Variants in HS3ST3B1 observed in about 807,000 individuals in gnomAD.
The protein encoded by HS3ST3B1 is heparan sulfate glucosamine 3-O-sulfotransferase 3B1.
In HS3ST3B1, 13 loss-of-function variants were observed where a neutral mutation model predicts 21.3. The ratio of observed to expected loss-of-function variants is 0.61; its 90% CI spans 0.40 to 0.97. The LOEUF (loss-of-function observed/expected upper bound fraction) is 0.97, where lower values mean the gene tolerates loss of function less well. Among genes scored for constraint, HS3ST3B1 ranks in the 50% least tolerant of loss-of-function variants. The probability of loss-of-function intolerance (pLI) is 0.00; values close to 1 mark genes in which losing one functional copy is unlikely to be tolerated. For synonymous variants in HS3ST3B1, 234 were observed against 254.8 expected (o/e 0.92, Z 0.78); for missense variants, 459 against 554.8 (o/e 0.83, Z 1.73).
chr17:14,301,571 T>A lies in HS3ST3B1; in HGVS notation c.53T>A (p.Leu18His), dbSNP rs200257944. ...GRSCLDVPGR[L>H]LPQPPPPPPP... The stretch of plus-strand genomic sequence containing the variant: ...TCTTGCCTCGATGTCCCCGGCCGGC[T>A]CCTACCGCAGCCGCCGCCGCCCCCG... The change falls in exon 1 of 2, where the codon CTC becomes CAC. Residue 18 changes from leucine to histidine, a missense_variant. By Grantham distance (99) the Leu-to-His change is moderately conservative. This residue lies in a region of HS3ST3B1 where 317 missense variants were observed against 278.6 expected (regional missense o/e 1.14). Transcript: ENST00000360954. 2.1e-3 allele frequency: 3,384 copies of A among 1,595,528 alleles called. 45 individuals carry two copies. The Admixed American group carries it at 0.028, about 13-fold the overall frequency.
At chr17:14,318,966 G>T (rs2142333933) in intron 1 of HS3ST3B1, among the ~76,000 whole-genome samples, 1 of 152,306 alleles carries the variant, frequency 6.6e-6, no homozygotes, top group African/African-American at 2.4e-5. Context: ...TACCCAGATG[G>T]TGTCTTTTGG....
In HS3ST3B1 at chr17:14,303,696, C is replaced by T. The variant is rs1221023245; in HGVS notation, c.554+1624C>T. 6.6e-6 allele frequency among the ~76,000 whole-genome samples: 1 copy of T among 152,164 alleles called. No individual in the cohort carries two copies. The highest frequency in any genetic ancestry group is 6.5e-5 in the Admixed American group (1 of 15,276). On this transcript the variant is annotated intron_variant, in intron 1 of 1. Transcript: ENST00000360954. This position sits in a 1 kb window ranked among gnomAD's most constrained non-coding sequence, Gnocchi z 5.7. ...GTGCCTCGCAGGCACGTGAGGGCCT[C>T]TCTAATCGTTAGCTATTGTCACCGA...
At chr17:14,338,696 G>A (rs1226092805) in intron 1 of HS3ST3B1, among the ~76,000 whole-genome samples, 1 of 148,808 alleles carries the variant, frequency 6.7e-6, no homozygotes, top group East Asian at 1.9e-4. Flanking sequence ...AGCTGCCTTA[G>A]CCTCCCATAA....
At chr17:14,314,725 G>T (rs1169588395) in intron 1 of HS3ST3B1, among the ~76,000 whole-genome samples, 1 of 152,172 alleles carries the variant, frequency 6.6e-6, no homozygotes, top group Non-Finnish European at 1.5e-5. Context: ...GCTTGTGAAT[G>T]GGGGAATCGT....
Position 14,330,550 on chromosome 17 carries a change from GGT to G in HS3ST3B1, c.555-14445_555-14444del, listed in dbSNP as rs60767866. 4.8e-3 allele frequency among the ~76,000 whole-genome samples: 685 copies of G among 143,866 alleles called. 3 individuals are homozygous for G. Among genetic ancestry groups the G allele is most frequent in the African/African-American group, 0.013 (497 of 38,736 alleles). 94.4% of individuals were successfully genotyped at this position (143,866 alleles called of 152,430 possible). On this transcript the variant is annotated intron_variant, in intron 1 of 1. Transcript: ENST00000360954. ...TGTCCTGTTTCTCTCCTGGTTTCCCGGTGTGTGTGTGTGTGTGTGTGTGTGTG... is the reference window on the plus strand; with the variant it reads ...TGTCCTGTTTCTCTCCTGGTTTCCCGGTGTGTGTGTGTGTGTGTGTGTGTG...
At chr17:14,313,793 C>T (rs537985314) in intron 1 of HS3ST3B1, among the ~76,000 whole-genome samples, 21 of 152,164 alleles carry the variant, frequency 1.4e-4, no homozygotes, top group South Asian at 6.2e-4. Context: ...TGGTCTCGAA[C>T]TCCTGACCTC....
At chr17:14,335,646 A>T (rs1793970515) in intron 1 of HS3ST3B1, among the ~76,000 whole-genome samples, 1 of 152,112 alleles carries the variant, frequency 6.6e-6, no homozygotes, top group African/African-American at 2.4e-5. Context: ...GAGAGCCGAG[A>T]TCGCACCACT....
At chr17:14,320,969 C>T (rs543492061) in intron 1 of HS3ST3B1, among the ~76,000 whole-genome samples, 2 of 152,270 alleles carry the variant, frequency 1.3e-5, no homozygotes, top group South Asian at 2.1e-4. Flanking sequence ...CCCTCTGCAC[C>T]GACCATTTGC....
At chr17:14,330,550 G>GTGTGTGT (rs1555549604) in intron 1 of HS3ST3B1, among the ~76,000 whole-genome samples, 1 of 144,080 alleles carries the variant, frequency 6.9e-6, no homozygotes, top group Admixed American at 7.0e-5. Context: ...CTGGTTTCCC[G>GTGTGTGT]GTGTGTGTGT....
Position 14,345,703 on chromosome 17 carries a change from GT to G in HS3ST3B1, c.*58del. On this transcript the variant is annotated 3_prime_UTR_variant, in exon 2 of 2. Transcript: ENST00000360954. ...GCTTATCTATTGACAGAGATTATAT[GT>G]ATGTAAAATGTACAGAAATCTATTT... 1.9e-6 allele frequency: 3 copies of G among 1,545,426 alleles called. No individual in the cohort carries two copies. The South Asian group carries it at 3.7e-5, about 19-fold the overall frequency.
rs1395924393 is a variant in HS3ST3B1, at chr17:14,301,593, CCCG to C, written c.82_84del (p.Pro28del). 1.2e-6 allele frequency: 2 copies of C among 1,601,768 alleles called. No homozygotes were observed. The highest frequency in any genetic ancestry group is 1.7e-5 in the Admixed American group (1 of 59,800). ...GGCTCCTACCGCAGCCGCCGCCGCC[CCCG>C]CCGCCGGTGAGGAGGAAGCTCGCGC... On this transcript the variant is annotated inframe_deletion, in exon 1 of 2. Transcript: ENST00000360954.
In HS3ST3B1 at chr17:14,346,388, A is replaced by G. The variant is rs1910578861; in HGVS notation, c.*742A>G. The G allele has an allele frequency of 6.7e-6, 1 of 150,064 alleles. No individual in the cohort carries two copies. The highest frequency in any genetic ancestry group is 1.5e-5 in the Non-Finnish European group (1 of 68,018). The allele number at this position is 150,064 out of a possible 1,614,324, so 9.3% of individuals were successfully genotyped here. ...TGTCTCAGCCTCCCAAGTATCTGGG[A>G]TTACAGGCATGCACCACCATGCCTG... On this transcript the variant is annotated 3_prime_UTR_variant, in exon 2 of 2. Transcript: ENST00000360954.
Position 14,301,670 on chromosome 17 carries a change from G to A in HS3ST3B1, c.152G>A (p.Cys51Tyr), listed in dbSNP as rs201361680. Residue 51 changes from cysteine to tyrosine, a missense_variant, in exon 1 of 2, where the codon TGC becomes TAC. Transcript: ENST00000360954. The stretch of plus-strand genomic sequence containing the variant: ...TGGCTCTATATGTTCCTGTACTCGT[G>A]CGCCGGCTCCTGCGCCGCCGCGCCG... ...CVWLYMFLYS[C>Y]AGSCAAAPGL... The A allele has an allele frequency of 6.2e-7, 1 of 1,602,866 alleles. No individual in the cohort carries two copies. The highest frequency in any genetic ancestry group is 8.5e-7 in the Non-Finnish European group (1 of 1,176,618).
chr17:14,329,324 A>T (rs532134976), intron 1 of HS3ST3B1: 3 of 100,516 alleles, frequency 3.0e-5, no homozygotes, highest in Non-Finnish European at 6.2e-5. Context: ...AGAGAAAGAA[A>T]GAAAGAAAGA....
chr17:14,338,701 C>T (rs1597602279), intron 1 of HS3ST3B1, among the ~76,000 whole-genome samples: 3 of 151,296 alleles, frequency 2.0e-5, no homozygotes, highest in East Asian at 3.9e-4. Flanking sequence ...CCTTAGCCTC[C>T]CATAATGCTG....
At chr17:14,311,615 G>T (rs1030968908) in intron 1 of HS3ST3B1, among the ~76,000 whole-genome samples, 3 of 152,150 alleles carry the variant, frequency 2.0e-5, no homozygotes, top group Non-Finnish European at 4.4e-5. Flanking sequence ...GGACAAACGG[G>T]TAATGACCTG....
intron 1 of HS3ST3B1, among the ~76,000 whole-genome samples, chr17:14,317,748 T>C (rs2142333043): frequency 6.6e-6 from 1 of 152,180 alleles, no homozygotes. Context: ...GAGGCTGGAA[T>C]GGCACATTAA....
chr17:14,313,088 TGTGTG>T (rs1326606395), intron 1 of HS3ST3B1, among the ~76,000 whole-genome samples: 1 of 83,484 alleles, frequency 1.2e-5, no homozygotes, highest in Non-Finnish European at 2.4e-5. Flanking sequence ...TGTGTGTGTG[TGTGTG>T]GTGTGTGTGT....
At chr17:14,317,365 A>G (rs1356307072) in intron 1 of HS3ST3B1, among the ~76,000 whole-genome samples, 1 of 152,194 alleles carries the variant, frequency 6.6e-6, no homozygotes, top group African/African-American at 2.4e-5. Context: ...GAACTCCTAG[A>G]ATGGGTCAGG....
Sources: allele counts gnomAD v4.1 joint callset (sites outside exome capture counted in the v4.1 genomes callset), GRCh38; gene constraint gnomAD v4.1.1; regional missense constraint gnomAD v4.1.1; non-coding constraint Gnocchi (gnomAD v3.1); transcripts MANE v1.5; gene names NCBI Gene and HGNC (gene_info 2026-07-23, HGNC 2026-07-21).